TBXAS1: variants seen among roughly 807,000 people sequenced by gnomAD.
TBXAS1 encodes the protein thromboxane A synthase 1.
A neutral mutation model predicts 60.7 loss-of-function variants in TBXAS1; 48 were observed. The ratio of observed to expected loss-of-function variants is 0.79; its 90% CI spans 0.63 to 1.01. The LOEUF is 1.01. Ranked by LOEUF, TBXAS1 falls within the 50% of genes least tolerant of loss-of-function variation. The pLI is 0.00. For missense variants in TBXAS1, 685 were observed against 686.3 expected (o/e 1.00, Z 0.02); for synonymous variants, 287 against 269.7 (o/e 1.06, Z -0.63).
chr7:139,865,695 A>AGAGGAGGAGGAGGAG (rs1471287147), intron 1 of TBXAS1, among the ~76,000 whole-genome samples: 1 of 15,924 alleles, frequency 6.3e-5, no homozygotes. Context: ...AGGAGGAGGA[A>AGAGGAGGAGGAGGAG]GAGGAGGAGG....
intron 8 of TBXAS1, among the ~76,000 whole-genome samples, chr7:139,960,514 G>A (rs1042613632): frequency 1.3e-4 from 20 of 152,138 alleles, no homozygotes; most frequent in Non-Finnish European, 2.5e-4. Flanking sequence ...AGGAGGCTGA[G>A]GCGGGCGGAT....
At chr7:139,984,904 AAAGG>A (rs1812314123) in intron 9 of TBXAS1, among the ~76,000 whole-genome samples, 1 of 135,960 alleles carries the variant, frequency 7.4e-6, no homozygotes, top group Non-Finnish European at 1.6e-5. Flanking sequence ...GCAAAGAAAG[AAAGG>A]AAAGAAAGAA....
intron 3 of TBXAS1, among the ~76,000 whole-genome samples, chr7:139,906,436 C>A (rs1265603030): frequency 1.3e-5 from 2 of 152,076 alleles, no homozygotes; most frequent in African/African-American, 4.8e-5. Context: ...ATCAGTTGAG[C>A]ATATATATGT....
At chr7:139,951,756 A>C (rs1479232193) in intron 5 of TBXAS1, among the ~76,000 whole-genome samples, 1 of 147,062 alleles carries the variant, frequency 6.8e-6, no homozygotes, top group Non-Finnish European at 1.5e-5. Flanking sequence ...CTGGGCAACA[A>C]AGCAAGACTC....
intron 1 of TBXAS1, among the ~76,000 whole-genome samples, chr7:139,863,000 A>G (rs1196481824): frequency 6.6e-6 from 1 of 152,150 alleles, no homozygotes; most frequent in East Asian, 1.9e-4. Flanking sequence ...CTCTGACTCA[A>G]TTGCTTAGCA....
Position 140,007,076 on chromosome 7 carries a change from C to G in TBXAS1, c.1135-15C>G. 1.2e-6 allele frequency: 2 copies of G among 1,611,714 alleles called. No homozygotes were observed. Among genetic ancestry groups the G allele is most frequent in the Non-Finnish European group, 1.7e-6 (2 of 1,177,806 alleles). On this transcript the variant is annotated splice_polypyrimidine_tract_variant and intron_variant, in intron 9 of 12. Coordinates refer to ENST00000448866, the MANE Select transcript of TBXAS1 (RefSeq NM_001061.7). ...CTAACACGAACTTCTCCCTTTGTCA[C>G]GACCCCTCCATCAGATGGCCCCTGA...
chr7:139,920,249 G>C (rs1159107753), intron 4 of TBXAS1, among the ~76,000 whole-genome samples: 1 of 152,178 alleles, frequency 6.6e-6, no homozygotes, highest in Non-Finnish European at 1.5e-5. Context: ...TGGGTTTTCT[G>C]TCCCCCTCTG....
intron 10 of TBXAS1, among the ~76,000 whole-genome samples, chr7:140,012,428 A>T (rs1814688403): frequency 1.3e-5 from 2 of 151,258 alleles, no homozygotes; most frequent in Non-Finnish European, 2.9e-5. Flanking sequence ...GCTCTATCTC[A>T]TCCTTTAAAA....
chr7:139,962,653 C>G lies in TBXAS1; in HGVS notation c.1134+420C>G, dbSNP rs1810465140. 4.9e-5 allele frequency: 13 copies of G among 263,046 alleles called. No individual in the cohort carries two copies. The South Asian group carries it at 5.5e-4, about 11-fold the overall frequency. The allele number at this position is 263,046 out of a possible 1,614,324, so 16.3% of individuals were successfully genotyped here. On this transcript the variant is annotated intron_variant, in intron 9 of 12. Transcript: ENST00000448866. ...TAGAAGGCAGGAGTGGACAAAAGGA[C>G]AGGCCAAGCTGAAGCTGGACTGAAG...
In TBXAS1 at chr7:140,020,127, G is replaced by GCCCCC; in HGVS notation, c.*29_*30insCCCCC. ...CAGAAGGCTGCCGGGTGGGGGGAGG[G>GCCCCC]CACCCCCAAATTCAAAGAAAACCCT... On this transcript the variant is annotated 3_prime_UTR_variant, in exon 13 of 13. Transcript: ENST00000448866. The GCCCCC allele has an allele frequency of 4.2e-6, 5 of 1,190,622 alleles. No individual in the cohort carries two copies. Among genetic ancestry groups the GCCCCC allele is most frequent in the Non-Finnish European group, 6.2e-6 (5 of 811,398 alleles). The allele number at this position is 1,190,622 out of a possible 1,614,324, so 73.8% of individuals were successfully genotyped here.
At chr7:139,830,184 T>C (rs1251727056) in intron 1 of TBXAS1, among the ~76,000 whole-genome samples, 3 of 152,212 alleles carry the variant, frequency 2.0e-5, no homozygotes, top group African/African-American at 7.2e-5. Flanking sequence ...TTTATGCATA[T>C]TCGCCCTGTC....
chr7:139,838,118 A>G (rs999789267), intron 1 of TBXAS1, among the ~76,000 whole-genome samples: 1 of 152,176 alleles, frequency 6.6e-6, no homozygotes, highest in Non-Finnish European at 1.5e-5. Flanking sequence ...AGCTCCTAGA[A>G]CTGATAAAAG....
intron 1 of TBXAS1, among the ~76,000 whole-genome samples, chr7:139,863,162 A>T (rs1801091826): frequency 6.6e-6 from 1 of 152,232 alleles, no homozygotes; most frequent in Admixed American, 6.5e-5. Context: ...GACACAGGAA[A>T]CTAAAAACTA....
At chr7:139,971,421 CCAAT>C (rs71830008) in intron 9 of TBXAS1, among the ~76,000 whole-genome samples, 27,719 of 152,054 alleles carry the variant, frequency 0.18, 2,633 homozygotes, top group Middle Eastern at 0.36. Context: ...AGCAGGGTGA[CCAAT>C]CGATCTGGAT....
intron 4 of TBXAS1, among the ~76,000 whole-genome samples, chr7:139,929,308 G>A (rs1460738712): frequency 6.6e-6 from 1 of 152,220 alleles, no homozygotes; most frequent in Non-Finnish European, 1.5e-5. Context: ...GACGCACGTG[G>A]CCCCTGCTGT....
intron 3 of TBXAS1, among the ~76,000 whole-genome samples, chr7:139,909,647 T>C: frequency 6.6e-6 from 1 of 152,192 alleles, no homozygotes; most frequent in East Asian, 1.9e-4. Flanking sequence ...TTGTTTTCCA[T>C]AGTTAATGAG....
rs1052978218 is a variant in TBXAS1, at chr7:139,975,492, C to T, written c.1134+13259C>T. Among the ~76,000 whole-genome samples the T allele has an allele frequency of 1.0e-4, 10 of 95,616 alleles. No homozygotes were observed. The highest frequency in any genetic ancestry group is 3.5e-4 in the African/African-American group (10 of 28,248). 62.7% of individuals were successfully genotyped at this position (95,616 alleles called of 152,430 possible). On this transcript the variant is annotated intron_variant, in intron 9 of 12. Transcript: ENST00000448866. This position sits in a 1 kb window ranked among gnomAD's most constrained non-coding sequence, Gnocchi z 4.4. ...GCCTGACCAAGTGGATCAATGGTGGCTCTGGCATTTCTATAAAGGGGATTT... is the reference window on the plus strand; with the variant it reads ...GCCTGACCAAGTGGATCAATGGTGGTTCTGGCATTTCTATAAAGGGGATTT...
At chr7:139,861,070 A>T (rs1400445591) in intron 1 of TBXAS1, among the ~76,000 whole-genome samples, 2 of 151,198 alleles carry the variant, frequency 1.3e-5, no homozygotes, top group African/African-American at 4.9e-5. Context: ...GCTACTTGGG[A>T]GGCTGAGGCA....
intron 9 of TBXAS1, among the ~76,000 whole-genome samples, chr7:139,997,203 C>T (rs935714518): frequency 1.3e-5 from 2 of 152,102 alleles, no homozygotes; most frequent in East Asian, 1.9e-4. Flanking sequence ...CTCTGCTAAT[C>T]GGAGTAAATA....
Sources: allele counts gnomAD v4.1 joint callset (sites outside exome capture counted in the v4.1 genomes callset), GRCh38; gene constraint gnomAD v4.1.1; non-coding constraint Gnocchi (gnomAD v3.1); transcripts MANE v1.5; gene names NCBI Gene and HGNC (gene_info 2026-07-23, HGNC 2026-07-21).